FNIP2: variants seen among roughly 807,000 people sequenced by gnomAD.
FNIP2 encodes the protein folliculin interacting protein 2.
Under a neutral mutation model 108.7 loss-of-function variants are expected in FNIP2, and 32 were observed. The observed-to-expected ratio is 0.29, with a 90% CI of 0.22 to 0.40. FNIP2 has a LOEUF of 0.40. FNIP2 is among the 10% of genes least tolerant of loss of function. FNIP2 has a pLI of 1.00. For missense variants in FNIP2, 1,202 were observed against 1,381.6 expected, an observed-to-expected ratio of 0.87 and a Z score of 2.06; for synonymous variants, 480 against 496.7, an observed-to-expected ratio of 0.97 and a Z score of 0.45.
At chr4:158,850,099 T>C (rs1560799985) in intron 7 of FNIP2, among the ~76,000 whole-genome samples, 1 of 152,202 alleles carries the variant, frequency 6.6e-6, no homozygotes, top group Non-Finnish European at 1.5e-5. Flanking sequence ...ATTTAAGAGC[T>C]CAGGTCGGGA....
chr4:158,890,331 C>T (rs973160711), intron 14 of FNIP2: 1 of 984,986 alleles, frequency 1.0e-6, no homozygotes, highest in African/African-American at 1.7e-5. Flanking sequence ...AGGGTTTTTC[C>T]TACTATTTTT....
rs974613907 is a variant in FNIP2 at position 158,796,712 on chromosome 4, A to G, written c.107+27393A>G. Reference sequence around the variant, plus strand: ...TGTCTAGAATTTTATAGTTTTTCAAAGGGATTTTCAAATGCTCACATTTAA... The same window carrying G: ...TGTCTAGAATTTTATAGTTTTTCAAGGGGATTTTCAAATGCTCACATTTAA... On this transcript the variant is annotated intron_variant, in intron 1 of 16. Transcript: ENST00000264433. Among the ~76,000 whole-genome samples the G allele has an allele frequency of 3.3e-5, 5 of 152,232 alleles. No homozygotes were observed. The East Asian group carries it at 9.6e-4, about 29-fold the overall frequency.
chr4:158,797,239 A>T (rs1447299747), intron 1 of FNIP2, among the ~76,000 whole-genome samples: 1 of 152,200 alleles, frequency 6.6e-6, no homozygotes, highest in Non-Finnish European at 1.5e-5. Flanking sequence ...TGTCAAACCA[A>T]AACTGAAGGA....
At chr4:158,869,701 G>A (rs1442783637) in intron 13 of FNIP2, among the ~76,000 whole-genome samples, 4 of 152,218 alleles carry the variant, frequency 2.6e-5, no homozygotes, top group African/African-American at 7.2e-5. Context: ...GGAAGCCTAA[G>A]GGATGTGGTG....
At chr4:158,851,266 T>C in intron 7 of FNIP2, 55 bp from the exon 8 acceptor site, 2 of 1,596,840 alleles carry the variant, frequency 1.3e-6, no homozygotes, top group East Asian at 2.2e-5. Flanking sequence ...GTGCATTATG[T>C]AGCTACATGA....
chr4:158,815,333 A>G (rs1443066563), intron 1 of FNIP2, among the ~76,000 whole-genome samples: 2 of 152,022 alleles, frequency 1.3e-5, no homozygotes, highest in African/African-American at 2.4e-5. Context: ...TTTGCTCTGT[A>G]AAGAGTGTAG....
intron 1 of FNIP2, among the ~76,000 whole-genome samples, chr4:158,784,546 G>T (rs1249096122): frequency 6.6e-6 from 1 of 152,232 alleles, no homozygotes; most frequent in African/African-American, 2.4e-5. Flanking sequence ...TGCATAATCA[G>T]TGGGAGCCCT....
chr4:158,785,334 T>G (rs1776189534), intron 1 of FNIP2, among the ~76,000 whole-genome samples: 1 of 152,104 alleles, frequency 6.6e-6, no homozygotes, highest in Non-Finnish European at 1.5e-5. Flanking sequence ...TCCGCCCACC[T>G]TAGCCTCCCA....
chr4:158,900,843 T>G (rs2126800695), intron 16 of FNIP2, among the ~76,000 whole-genome samples: 1 of 152,358 alleles, frequency 6.6e-6, no homozygotes, highest in East Asian at 1.9e-4. Context: ...GATTTAAGGT[T>G]AATATTGTTA....
chr4:158,833,416 T>A (rs1778586963), intron 5 of FNIP2, 112 bp from the exon 6 acceptor site: 1 of 640,364 alleles, frequency 1.6e-6, no homozygotes, highest in East Asian at 2.7e-5. Flanking sequence ...AGAAAAGTAT[T>A]GAGTGACTGA....
At chr4:158,799,550 G>A (rs375395370) in intron 1 of FNIP2, among the ~76,000 whole-genome samples, 79 of 152,202 alleles carry the variant, frequency 5.2e-4, no homozygotes, top group African/African-American at 1.8e-3. Flanking sequence ...TGCAGAGAAT[G>A]AGAGATCTGT....
chr4:158,775,786 G>A (rs937927608), intron 1 of FNIP2, among the ~76,000 whole-genome samples: 6 of 152,142 alleles, frequency 3.9e-5, no homozygotes, highest in South Asian at 2.1e-4. Flanking sequence ...ATAATGTTGT[G>A]GATAAATGTT....
At chr4:158,772,882 A>G (rs1775741554) in intron 1 of FNIP2, among the ~76,000 whole-genome samples, 1 of 152,234 alleles carries the variant, frequency 6.6e-6, no homozygotes, top group Non-Finnish European at 1.5e-5. Flanking sequence ...AACTATAACA[A>G]ACAGATAAAC....
chr4:158,832,685 A>G (rs1778549393), intron 5 of FNIP2, among the ~76,000 whole-genome samples: 1 of 152,226 alleles, frequency 6.6e-6, no homozygotes, highest in Non-Finnish European at 1.5e-5. Context: ...TTTGAATACC[A>G]TTAAGTGAGT....
chr4:158,841,457 A>G (rs1049224321), intron 7 of FNIP2, among the ~76,000 whole-genome samples: 5 of 152,202 alleles, frequency 3.3e-5, no homozygotes, highest in East Asian at 3.8e-4. Context: ...TGAATAATGA[A>G]GGATGGCATC....
intron 1 of FNIP2, among the ~76,000 whole-genome samples, chr4:158,774,727 TG>T (rs1368520068): frequency 1.3e-5 from 2 of 152,164 alleles, no homozygotes; most frequent in Non-Finnish European, 1.5e-5. Context: ...GTAGTCTTCC[TG>T]GGGGCTCAGA....
At chr4:158,899,955 A>G (rs1783055907) in intron 16 of FNIP2, among the ~76,000 whole-genome samples, 1 of 152,052 alleles carries the variant, frequency 6.6e-6, no homozygotes, top group Non-Finnish European at 1.5e-5. Flanking sequence ...TCGATTTTAG[A>G]TCTTTCCTGC....
At chr4:158,820,604 C>T (rs1462521728) in intron 1 of FNIP2, among the ~76,000 whole-genome samples, 1 of 152,188 alleles carries the variant, frequency 6.6e-6, no homozygotes, top group Non-Finnish European at 1.5e-5. Context: ...CAGATGCATT[C>T]CTTGGCATAA....
chr4:158,890,348 A>T lies in FNIP2; in HGVS notation c.2950-1098A>T, dbSNP rs558644753. ...GGTTTTTCCTACTATTTTTCCTACT[A>T]TTCCCCCTTGGATAATAGTAGGAAA... On this transcript the variant is annotated intron_variant, in intron 14 of 16. Transcript: ENST00000264433. The T allele has an allele frequency of 5.8e-4, 572 of 985,184 alleles. 2 individuals are homozygous for T. The African/African-American group carries it at 9.6e-3, about 17-fold the overall frequency. 61.0% of individuals were successfully genotyped at this position (985,184 alleles called of 1,614,324 possible).
Sources: allele counts gnomAD v4.1 joint callset (sites outside exome capture counted in the v4.1 genomes callset), GRCh38; gene constraint gnomAD v4.1.1; transcripts MANE v1.5; gene names NCBI Gene and HGNC (gene_info 2026-07-23, HGNC 2026-07-21).